RORA: variants seen among roughly 807,000 people sequenced by gnomAD.
RORA encodes the protein nuclear receptor ROR-alpha.
Under a neutral mutation model 69.5 loss-of-function variants are expected in RORA, and 7 were observed. The observed-to-expected ratio is 0.10, with a 90% CI of 0.06 to 0.19. The LOEUF is 0.19. Ranked by LOEUF, RORA falls within the 10% of genes least tolerant of loss-of-function variation. The probability of loss-of-function intolerance (pLI) is 1.00; values close to 1 mark genes in which losing one functional copy is unlikely to be tolerated. For synonymous variants in RORA, 261 were observed against 240.8 expected, an observed-to-expected ratio of 1.08 and a Z score of -0.78; for missense variants, 457 against 663.0, an observed-to-expected ratio of 0.69 and a Z score of 3.41.
chr15:61,117,946 G>A (rs542487747), intron 1 of RORA, among the ~76,000 whole-genome samples: 19 of 152,076 alleles, frequency 1.2e-4, no homozygotes, highest in South Asian at 1.0e-3. Flanking sequence ...AAGATACCTG[G>A]GTTCTAATCC....
intron 1 of RORA, among the ~76,000 whole-genome samples, chr15:60,754,892 G>A (rs2071774959): frequency 6.6e-6 from 1 of 151,986 alleles, no homozygotes; most frequent in South Asian, 2.1e-4. Context: ...AATGTCTGTG[G>A]AATGTGGGTT....
chr15:60,589,516 T>C (rs1406991701), intron 2 of RORA, among the ~76,000 whole-genome samples: 1 of 152,242 alleles, frequency 6.6e-6, no homozygotes, highest in African/African-American at 2.4e-5. Flanking sequence ...TGCACTTTTA[T>C]GATGAGCAGA....
intron 1 of RORA, among the ~76,000 whole-genome samples, chr15:61,090,699 C>A (rs2078692448): frequency 6.6e-6 from 1 of 152,264 alleles, no homozygotes; most frequent in East Asian, 1.9e-4. Flanking sequence ...GAGCTCTAGA[C>A]AAGATGAGAC....
chr15:61,209,224 G>A (rs2079968074), intron 1 of RORA, among the ~76,000 whole-genome samples: 1 of 151,362 alleles, frequency 6.6e-6, no homozygotes, highest in African/African-American at 2.4e-5. Flanking sequence ...AAATTAAAAT[G>A]TGATCCAATT....
At chr15:60,609,902 G>A (rs1024185203) in intron 2 of RORA, among the ~76,000 whole-genome samples, 1 of 152,142 alleles carries the variant, frequency 6.6e-6, no homozygotes, top group African/African-American at 2.4e-5. Context: ...GATGAAAGTA[G>A]GAGCCAATGA....
chr15:60,581,271 C>T (rs972453187), intron 2 of RORA, among the ~76,000 whole-genome samples: 4 of 152,134 alleles, frequency 2.6e-5, no homozygotes, highest in African/African-American at 7.2e-5. Flanking sequence ...GAAAGACTGC[C>T]AAAACCCTGA....
intron 1 of RORA, among the ~76,000 whole-genome samples, chr15:61,108,591 G>A (rs907623354): frequency 2.0e-5 from 3 of 152,140 alleles, no homozygotes; most frequent in African/African-American, 7.2e-5. Flanking sequence ...TTTACTGTAT[G>A]GCCATTTACG....
intron 1 of RORA, among the ~76,000 whole-genome samples, chr15:61,067,952 T>A (rs549795579): frequency 1.3e-5 from 2 of 152,368 alleles, no homozygotes; most frequent in African/African-American, 2.4e-5. Context: ...TAGATGATAT[T>A]ATGAATGGCC....
intron 1 of RORA, among the ~76,000 whole-genome samples, chr15:61,081,804 T>A (rs2078545635): frequency 7.7e-6 from 1 of 129,606 alleles, no homozygotes; most frequent in Non-Finnish European, 1.6e-5. Flanking sequence ...CAAGACTCTG[T>A]CTCAAAAAAA....
rs113145852 is a variant in RORA at position 60,870,160 on chromosome 15, G to A, written c.167-191474C>T. On this transcript the variant is annotated intron_variant, in intron 1 of 10. Transcript: ENST00000335670. Reference sequence around the variant, plus strand: ...AAAGGTTATTCCGTTACTAGCCACAGCTGGCTACAGAAACCAGGTGCTATT... The same window carrying A: ...AAAGGTTATTCCGTTACTAGCCACAACTGGCTACAGAAACCAGGTGCTATT... 3.4e-3 allele frequency among the ~76,000 whole-genome samples: 525 copies of A among 152,330 alleles called. 4 individuals are homozygous for A. Among genetic ancestry groups the A allele is most frequent in the African/African-American group, 0.012 (508 of 41,576 alleles).
chr15:60,727,462 C>T (rs1214763870), intron 1 of RORA, among the ~76,000 whole-genome samples: 1 of 152,136 alleles, frequency 6.6e-6, no homozygotes, highest in East Asian at 1.9e-4. Context: ...TGCTCAAATC[C>T]CATCCACAAT....
intron 1 of RORA, among the ~76,000 whole-genome samples, chr15:60,813,291 C>T (rs2072768366): frequency 6.6e-6 from 1 of 152,228 alleles, no homozygotes; most frequent in African/African-American, 2.4e-5. Context: ...TTGCAGGCCA[C>T]TCGCTTTGTG....
At chr15:60,885,758 C>T (rs2073743601) in intron 1 of RORA, among the ~76,000 whole-genome samples, 4 of 152,232 alleles carry the variant, frequency 2.6e-5, no homozygotes, top group Admixed American at 2.6e-4. Context: ...ATTTGCTCTG[C>T]AGTATATAAC....
At chr15:60,522,732 G>A (rs954930619) in intron 3 of RORA, among the ~76,000 whole-genome samples, 18 of 148,442 alleles carry the variant, frequency 1.2e-4, no homozygotes, top group Non-Finnish European at 1.5e-4. Context: ...TTGTACCACT[G>A]CATTCCAGCC....
intron 1 of RORA, among the ~76,000 whole-genome samples, chr15:60,936,203 C>G (rs1447750477): frequency 4.6e-5 from 7 of 152,308 alleles, no homozygotes; most frequent in Admixed American, 4.6e-4. Flanking sequence ...GGGGGAAGCC[C>G]TTCTTAGTAA....
chr15:61,195,380 C>T (rs2079837927), intron 1 of RORA, among the ~76,000 whole-genome samples: 2 of 151,868 alleles, frequency 1.3e-5, no homozygotes, highest in African/African-American at 4.8e-5. Context: ...CTAGCCAGAG[C>T]TCCATGCTTC....
At chr15:61,135,044 A>C (rs985258949) in intron 1 of RORA, among the ~76,000 whole-genome samples, 1 of 150,956 alleles carries the variant, frequency 6.6e-6, no homozygotes, top group Admixed American at 6.6e-5. Context: ...GCAGTGGCTC[A>C]TGCCTGTAAT....
intron 1 of RORA, among the ~76,000 whole-genome samples, chr15:61,156,122 A>G (rs905834933): frequency 4.6e-5 from 7 of 152,004 alleles, no homozygotes; most frequent in African/African-American, 1.7e-4. Context: ...GACTGTTCCT[A>G]CTCTTTACTG....
chr15:60,539,046 T>G (rs1272177109), intron 2 of RORA, among the ~76,000 whole-genome samples: 1 of 149,966 alleles, frequency 6.7e-6, no homozygotes, highest in Non-Finnish European at 1.5e-5. Flanking sequence ...CATCAAGAGA[T>G]CAAACATTTG....
Sources: gnomAD v4.1 joint callset for allele counts (sites outside exome capture counted in the v4.1 genomes callset) on GRCh38, gnomAD v4.1.1 for gene constraint, MANE v1.5 for transcripts, NCBI Gene and HGNC (gene_info 2026-07-23, HGNC 2026-07-21) for gene names.